Variants in MARCHF2 observed in about 807,000 individuals in gnomAD.
The protein encoded by MARCHF2 is E3 ubiquitin-protein ligase MARCHF2.
MARCHF2 carries 22 observed loss-of-function variants against 24.0 expected under a neutral mutation model. The observed-to-expected ratio is 0.92, with a 90% CI of 0.66 to 1.31. The LOEUF (loss-of-function observed/expected upper bound fraction) is 1.31, where lower values mean the gene tolerates loss of function less well. Ranked by LOEUF, MARCHF2 falls within the 50% of genes most tolerant of loss-of-function variation. The pLI, the probability that MARCHF2 is intolerant of heterozygous loss-of-function variation, is 0.00. For missense variants in MARCHF2, 301 were observed against 335.3 expected (o/e 0.90, Z 0.80); for synonymous variants, 154 against 153.0 (o/e 1.01, Z -0.05).
At chr19:8,433,233 A>G (rs982368309) in intron 4 of MARCHF2, among the ~76,000 whole-genome samples, 1 of 150,520 alleles carries the variant, frequency 6.6e-6, no homozygotes, top group Non-Finnish European at 1.5e-5. Context: ...AAATAATAAT[A>G]TTAATAAAAG....
At chr19:8,437,096 C>T (rs182968410) in intron 4 of MARCHF2, among the ~76,000 whole-genome samples, 12 of 152,094 alleles carry the variant, frequency 7.9e-5, no homozygotes, top group Admixed American at 2.0e-4. Context: ...TCTCCTACCC[C>T]AGCCTCCTAA....
chr19:8,423,002 C>T (rs1395823405), intron 2 of MARCHF2, among the ~76,000 whole-genome samples: 5 of 121,472 alleles, frequency 4.1e-5, no homozygotes, highest in Non-Finnish European at 6.8e-5. Flanking sequence ...CGCGCCTGGC[C>T]GTGCTCAACA....
At chr19:8,428,508 G>A (rs537040376) in intron 3 of MARCHF2, among the ~76,000 whole-genome samples, 55 of 150,488 alleles carry the variant, frequency 3.7e-4, no homozygotes, top group Admixed American at 8.0e-4. Flanking sequence ...GAAAAAGCTA[G>A]GTGTGGTGGC....
chr19:8,435,721 G>A (rs1967698244), intron 4 of MARCHF2, among the ~76,000 whole-genome samples: 1 of 149,260 alleles, frequency 6.7e-6, no homozygotes, highest in South Asian at 2.1e-4. Flanking sequence ...TGTATTTTTT[G>A]TAGAGACAGT....
intron 1 of MARCHF2, among the ~76,000 whole-genome samples, chr19:8,421,280 G>A (rs1191925532): frequency 6.6e-6 from 1 of 151,462 alleles, no homozygotes; most frequent in Non-Finnish European, 1.5e-5. Flanking sequence ...GTGCCACCAA[G>A]CCTGGCTAAT....
intron 1 of MARCHF2, among the ~76,000 whole-genome samples, chr19:8,419,856 A>G (rs1967184561): frequency 7.1e-6 from 1 of 140,252 alleles, no homozygotes; most frequent in South Asian, 2.2e-4. Flanking sequence ...AATAAAAAAT[A>G]AAAATAAAAA....
rs1599703873 is a variant in MARCHF2 at position 8,421,852 on chromosome 19, T to G, written c.12T>G (p.Gly4=). The change falls in exon 2 of 5, where the codon GGT becomes GGG. Residue 4 remains glycine (G), a synonymous_variant. Transcript: ENST00000215555. The part of the protein sequence containing the change: MTT[G]DCCHLPGSLC... The stretch of plus-strand genomic sequence containing the variant: ...GGCTCCCGGTGGCCATGACGACGGG[T>G]GACTGCTGCCACCTCCCCGGCTCCC... 2 of 1,608,766 alleles carry G rather than the reference T, an allele frequency of 1.2e-6. No homozygotes were observed. The highest frequency in any genetic ancestry group is 1.7e-6 in the Non-Finnish European group (2 of 1,177,536).
intron 1 of MARCHF2, among the ~76,000 whole-genome samples, chr19:8,415,124 C>T (rs181701482): frequency 5.3e-5 from 8 of 152,256 alleles, no homozygotes; most frequent in South Asian, 2.1e-4. Flanking sequence ...CCAGGCCGGG[C>T]GTGGTGGCTC....
chr19:8,415,161 G>A (rs1014799742), intron 1 of MARCHF2, among the ~76,000 whole-genome samples: 13 of 151,666 alleles, frequency 8.6e-5, no homozygotes, highest in Admixed American at 8.5e-4. Context: ...CACTTTGAGA[G>A]GCCAAGGCGG....
chr19:8,430,875 G>A lies in MARCHF2; in HGVS notation c.582+8G>A, dbSNP rs749744505. 2 of 1,583,096 alleles carry A rather than the reference G, an allele frequency of 1.3e-6. No homozygotes were observed. On this transcript the variant is annotated splice_region_variant and intron_variant, in intron 4 of 4. Transcript: ENST00000215555. This position sits in a 1 kb window ranked among gnomAD's most constrained non-coding sequence, Gnocchi z 4.4. ...TATGTCCTCTGGACGCTGGTGAGTG[G>A]CTGTGGTTGTGCAGCACGCGTCTCG...
chr19:8,419,605 A>G (rs1000235901), intron 1 of MARCHF2, among the ~76,000 whole-genome samples: 1 of 151,262 alleles, frequency 6.6e-6, no homozygotes, highest in Non-Finnish European at 1.5e-5. Context: ...TCACGAGGTC[A>G]GGAGATCGAG....
chr19:8,425,619 A>AT (rs199582202), intron 2 of MARCHF2, among the ~76,000 whole-genome samples: 81 of 136,328 alleles, frequency 5.9e-4, no homozygotes, highest in South Asian at 9.6e-4. Flanking sequence ...GTCCTTGAGG[A>AT]TTTTTTTTTT....
At chr19:8,415,733 A>C (rs532604082) in intron 1 of MARCHF2, among the ~76,000 whole-genome samples, 4,315 of 80,454 alleles carry the variant, frequency 0.054, 374 homozygotes, top group South Asian at 0.098. Context: ...AAAAAAAAAA[A>C]ACAAAAAAAA....
At chr19:8,417,295 C>T (rs976669653) in intron 1 of MARCHF2, among the ~76,000 whole-genome samples, 64 of 151,948 alleles carry the variant, frequency 4.2e-4, no homozygotes, top group African/African-American at 1.4e-3. Flanking sequence ...AATACAAAAA[C>T]GAGCTGGGTG....
rs762400429 is a variant in MARCHF2, at chr19:8,430,766, C to T, written c.481C>T (p.Arg161Cys). ...LAAISGWLCLRGAQDHLRLHS... is the reference protein window; with the variant it reads ...LAAISGWLCLCGAQDHLRLHS... ...CGCCATCTCAGGCTGGTTGTGCCTG[C>T]GCGGGGCCCAGGACCACCTCCGGCT... Residue 161 changes from arginine to cysteine, a missense_variant, in exon 4 of 5, where the codon CGC becomes TGC. Physicochemically the swap from Arg to Cys is radical, Grantham distance 180 (BLOSUM62 -3). Coordinates refer to ENST00000215555, the MANE Select transcript of MARCHF2 (RefSeq NM_001005415.2). The surrounding 1 kb of genome is among the most constrained non-coding windows in gnomAD (Gnocchi z 4.4). 4.3e-6 allele frequency: 7 copies of T among 1,611,260 alleles called. No homozygotes were observed. Among genetic ancestry groups the T allele is most frequent in the East Asian group, 4.5e-5 (2 of 44,884 alleles).
chr19:8,417,511 C>T (rs922530512), intron 1 of MARCHF2, among the ~76,000 whole-genome samples: 1 of 152,044 alleles, frequency 6.6e-6, no homozygotes, highest in African/African-American at 2.4e-5. Context: ...GATCTCAGCT[C>T]ACTGCAAACT....
Position 8,430,696 on chromosome 19 carries a change from A to G in MARCHF2, c.411A>G (p.Thr137=), listed in dbSNP as rs780906102. ...CGGGGCCGCGGACGGAGAAGCGGAC[A>G]CTGTGCTGCGACATGGTGTGTTTCC... ...KDPGPRTEKR[T]LCCDMVCFLF... The change falls in exon 4 of 5, where the codon ACA becomes ACG. Residue 137 remains threonine, a synonymous_variant. Coordinates refer to ENST00000215555, the MANE Select transcript of MARCHF2 (RefSeq NM_001005415.2). The surrounding 1 kb of genome is among the most constrained non-coding windows in gnomAD (Gnocchi z 4.4). 2 of 1,610,848 alleles carry G rather than the reference A, an allele frequency of 1.2e-6. No homozygotes were observed. The highest frequency in any genetic ancestry group is 1.3e-5 in the African/African-American group (1 of 75,018).
chr19:8,425,746 A>G (rs1443859386), intron 2 of MARCHF2, among the ~76,000 whole-genome samples: 1 of 151,524 alleles, frequency 6.6e-6, no homozygotes, highest in Non-Finnish European at 1.5e-5. Flanking sequence ...CCTCCCCAGT[A>G]GCTGGGATTA....
Position 8,420,015 on chromosome 19 carries a change from G to A in MARCHF2, c.-52-1774G>A, listed in dbSNP as rs188612012. On this transcript the variant is annotated intron_variant, in intron 1 of 4. Coordinates refer to ENST00000215555, the MANE Select transcript of MARCHF2 (RefSeq NM_001005415.2). ...GTACTAAAAATTCAAAAAATTAGCC[G>A]GGTGTGTTGGCGGGCGCCTGTAGTC... Among the ~76,000 whole-genome samples, 802 of 149,622 alleles carry A rather than the reference G, an allele frequency of 5.4e-3. 24 individuals are homozygous for A. The highest frequency in any genetic ancestry group is 0.012 in the African/African-American group (479 of 40,390).
Sources: gnomAD v4.1 joint callset for allele counts (sites outside exome capture counted in the v4.1 genomes callset) on GRCh38, gnomAD v4.1.1 for gene constraint, Gnocchi (gnomAD v3.1) non-coding constraint, MANE v1.5 for transcripts, NCBI Gene and HGNC (gene_info 2026-07-23, HGNC 2026-07-21) for gene names.